Variants in RNF114 observed in about 807,000 individuals in gnomAD.
RNF114 encodes E3 ubiquitin-protein ligase RNF114.
In RNF114, 6 loss-of-function variants were observed where a neutral mutation model predicts 28.4. That is an observed-to-expected ratio of 0.21 (90% CI 0.12 to 0.42). The LOEUF (loss-of-function observed/expected upper bound fraction) is 0.42. RNF114 is among the 10% of genes least tolerant of loss of function. The probability of loss-of-function intolerance (pLI) is 1.00; values close to 1 mark genes in which losing one functional copy is unlikely to be tolerated. For missense variants in RNF114, 249 were observed against 311.7 expected (o/e 0.80, Z 1.51); for synonymous variants, 115 against 116.7 (o/e 0.99, Z 0.09).
intron 5 of RNF114, 61 bp from the exon 6 acceptor site, chr20:49,952,015 G>A (rs1217064483): frequency 5.2e-6 from 7 of 1,336,958 alleles, no homozygotes; most frequent in Non-Finnish European, 7.5e-6. Context: ...TGCTTCTACT[G>A]AAAGCCAGTC....
In RNF114 at chr20:49,952,507, C is replaced by G; in HGVS notation, c.*366C>G. On this transcript the variant is annotated 3_prime_UTR_variant, in exon 6 of 6. Coordinates refer to ENST00000244061, the MANE Select transcript of RNF114 (RefSeq NM_018683.4). Reference sequence around the variant, plus strand: ...TGTCTCTCGGGTCCTTCAAGCCAGCCAGGACCTTTTCTGGGTCATGAATAG... The same window carrying G: ...TGTCTCTCGGGTCCTTCAAGCCAGCGAGGACCTTTTCTGGGTCATGAATAG... 1 of 441,250 alleles carries G rather than the reference C, an allele frequency of 2.3e-6. No individual in the cohort carries two copies. Among genetic ancestry groups the G allele is most frequent in the Non-Finnish European group, 4.0e-6 (1 of 247,148 alleles). 27.3% of individuals were successfully genotyped at this position (441,250 alleles called of 1,614,324 possible). A position where few individuals can be genotyped will look rare whatever the true frequency, so the allele number is the denominator to read the frequency against.
chr20:49,951,651 G>A (rs758731663), intron 5 of RNF114, among the ~76,000 whole-genome samples: 3 of 152,164 alleles, frequency 2.0e-5, no homozygotes, highest in Non-Finnish European at 4.4e-5. Context: ...AGGCCAAGGC[G>A]GGTGGATCAC....
intron 1 of RNF114, among the ~76,000 whole-genome samples, chr20:49,938,792 C>T (rs946097963): frequency 6.6e-6 from 1 of 152,234 alleles, no homozygotes; most frequent in Admixed American, 6.5e-5. Context: ...GATAGATGAG[C>T]TGTACCTGTG....
intron 2 of RNF114, chr20:49,945,112 C>T (rs2090324581): frequency 3.4e-6 from 1 of 293,640 alleles, no homozygotes; most frequent in African/African-American, 2.2e-5. Flanking sequence ...TGTGAGCAGA[C>T]AGCCTATCAT....
intron 2 of RNF114, chr20:49,944,924 T>G (rs1016010854): frequency 1.3e-5 from 2 of 152,366 alleles, no homozygotes; most frequent in African/African-American, 2.4e-5. Context: ...TAAAGATTAT[T>G]TCTCAGAGGC....
At chr20:49,938,556 C>T (rs2090295963) in intron 1 of RNF114, among the ~76,000 whole-genome samples, 1 of 152,222 alleles carries the variant, frequency 6.6e-6, no homozygotes, top group South Asian at 2.1e-4. Context: ...TGACTGTGTT[C>T]TCCAATCTGG....
intron 3 of RNF114, 23 bp downstream of exon 3, chr20:49,945,511 A>C (rs957647553): frequency 8.3e-5 from 116 of 1,405,890 alleles, no homozygotes; most frequent in Non-Finnish European, 1.1e-4. Context: ...GTCTCCCCTT[A>C]GGTGGAGGTC....
chr20:49,950,693 A>C (rs901896370), intron 5 of RNF114, among the ~76,000 whole-genome samples: 1 of 151,386 alleles, frequency 6.6e-6, no homozygotes, highest in Non-Finnish European at 1.5e-5. Flanking sequence ...AAAAAAAAAA[A>C]AAAAAAACAA....
At chr20:49,947,941 G>A (rs77705316) in intron 4 of RNF114, among the ~76,000 whole-genome samples, 1,695 of 151,304 alleles carry the variant, frequency 0.011, 42 homozygotes, top group African/African-American at 0.039. Context: ...ACAGGTGCGC[G>A]CCACCATGCC....
In RNF114 at chr20:49,952,564, C is replaced by G. The variant is rs1216531022; in HGVS notation, c.*423C>G. 1 of 277,746 alleles carries G rather than the reference C, an allele frequency of 3.6e-6. No individual in the cohort carries two copies. The highest frequency in any genetic ancestry group is 4.8e-5 in the Admixed American group (1 of 20,698). The allele number at this position is 277,746 out of a possible 1,614,324, so 17.2% of individuals were successfully genotyped here. ...GAAGCAAGTGTCTCCTTTCCTTGTC[C>G]CCAAGGTGTGCAGACTTTGGCAGCC... On this transcript the variant is annotated 3_prime_UTR_variant, in exon 6 of 6. Coordinates refer to ENST00000244061, the MANE Select transcript of RNF114 (RefSeq NM_018683.4).
At chr20:49,939,671 G>C (rs1450078041) in intron 1 of RNF114, among the ~76,000 whole-genome samples, 2 of 151,530 alleles carry the variant, frequency 1.3e-5, no homozygotes, top group Non-Finnish European at 2.9e-5. Flanking sequence ...TTCATCCCCT[G>C]CTGCTTCAGT....
chr20:49,938,694 T>A (rs1357841167), intron 1 of RNF114, among the ~76,000 whole-genome samples: 1 of 152,160 alleles, frequency 6.6e-6, no homozygotes, highest in Non-Finnish European at 1.5e-5. Flanking sequence ...AAATAGAAAC[T>A]GAAAAGCCAT....
chr20:49,951,986 T>TCCAGTTGCTAGGCTGTCCTGCTTCGGAA, intron 5 of RNF114, 90 bp from the exon 6 acceptor site: 1 of 1,091,408 alleles, frequency 9.2e-7, no homozygotes, highest in Non-Finnish European at 1.4e-6. Flanking sequence ...CTGCTCCGGA[T>TCCAGTTGCTAGGCTGTCCTGCTTCGGAA]CCAGTTGCTA....
At position 49,936,616 on chromosome 20, in the gene RNF114, C is replaced by T. The variant is rs1415223638; in HGVS notation, c.140+64C>T. 1.6e-5 allele frequency: 25 copies of T among 1,542,980 alleles called. No individual in the cohort carries two copies. In the Admixed American group the frequency reaches 1.8e-4, roughly 11 times the overall value. ...CTGGGAAGGGAATGGAGCCGAGGAG[C>T]GAGATGGGTCTCAGGGCGGGAGCCA... is the stretch of plus-strand genomic sequence containing the variant. On this transcript the variant is annotated intron_variant, in intron 1 of 5. Transcript: ENST00000244061.
chr20:49,941,320 C>A, intron 1 of RNF114: 1 of 432,026 alleles, frequency 2.3e-6, no homozygotes, highest in Non-Finnish European at 4.1e-6. Context: ...AAGCCTCAAC[C>A]TTAACACCTT....
At chr20:49,936,663 TCCCGGGGGTGTCC>T in intron 1 of RNF114, 111 bp downstream of exon 1, 1 of 1,353,532 alleles carries the variant, frequency 7.4e-7, no homozygotes, top group Non-Finnish European at 9.8e-7. Context: ...CAGAGGGGCC[TCCCGGGGGTGTCC>T]CCCGGGGCTC....
chr20:49,949,394 G>C lies in RNF114; in HGVS notation c.621+39G>C, dbSNP rs1354787947. The C allele has an allele frequency of 3.3e-6, 5 of 1,523,266 alleles. No homozygotes were observed. The African/African-American group carries it at 6.8e-5, about 21-fold the overall frequency. 94.4% of individuals were successfully genotyped at this position (1,523,266 alleles called of 1,614,324 possible). A position where few individuals can be genotyped will look rare whatever the true frequency, so the allele number is the denominator to read the frequency against. On this transcript the variant is annotated intron_variant, in intron 5 of 5. Coordinates refer to ENST00000244061, the MANE Select transcript of RNF114 (RefSeq NM_018683.4). ...CTGGGCTCTGATCCCTCCCCTGGGGGAGTGGCACGGCTACTTCACTCTTCT... is the reference window on the plus strand; with the variant it reads ...CTGGGCTCTGATCCCTCCCCTGGGGCAGTGGCACGGCTACTTCACTCTTCT...
intron 2 of RNF114, chr20:49,944,410 A>G (rs999832051): frequency 3.9e-5 from 6 of 151,964 alleles, no homozygotes; most frequent in Non-Finnish European, 8.8e-5. Context: ...GCTTTTCTCC[A>G]TTTTCAAGAT....
chr20:49,940,118 C>T (rs1451838774), intron 1 of RNF114, among the ~76,000 whole-genome samples: 3 of 145,090 alleles, frequency 2.1e-5, no homozygotes, highest in African/African-American at 7.5e-5. Flanking sequence ...AGATATTTTT[C>T]TGAAACCTGG....
Sources: gnomAD v4.1 joint callset for allele counts (sites outside exome capture counted in the v4.1 genomes callset) on GRCh38, gnomAD v4.1.1 for gene constraint, MANE v1.5 for transcripts, NCBI Gene and HGNC (gene_info 2026-07-23, HGNC 2026-07-21) for gene names.